The following OR5H14 variants were observed in gnomAD, a reference collection of about 807,000 sequenced individuals.
OR5H14 encodes olfactory receptor 5H14.
For missense variants in OR5H14, 392 were observed against 363.9 expected (o/e 1.08, Z -0.63); for synonymous variants, 155 against 130.6 (o/e 1.19, Z -1.28).
In OR5H14 at chr3:98,152,748, A is replaced by T. The variant is rs935212447; in HGVS notation, c.*2430A>T. 1 of 152,118 alleles carries T rather than the reference A, an allele frequency of 6.6e-6. No individual in the cohort carries two copies. The highest frequency in any genetic ancestry group is 1.5e-5 in the Non-Finnish European group (1 of 68,010). 9.4% of individuals were successfully genotyped at this position (152,118 alleles called of 1,614,324 possible). The stretch of plus-strand genomic sequence containing the variant: ...GGGTTGATGGGTGTAGCAAAACGCC[A>T]TGGCACATGTGTACCTATGTAACAA... On this transcript the variant is annotated 3_prime_UTR_variant, in exon 2 of 2. Transcript: ENST00000641380.
In OR5H14 at chr3:98,153,434, T is replaced by A. The variant is rs1164738745; in HGVS notation, c.*3116T>A. On this transcript the variant is annotated 3_prime_UTR_variant, in exon 2 of 2. Transcript: ENST00000641380. Reference sequence around the variant, plus strand: ...CCATCTTTATGAAAAATGCAAAAAATTAGCCGGGCGTGGTGGCAGGTGCCT... The same window carrying A: ...CCATCTTTATGAAAAATGCAAAAAAATAGCCGGGCGTGGTGGCAGGTGCCT... 2 of 151,818 alleles carry A rather than the reference T, an allele frequency of 1.3e-5. No individual in the cohort carries two copies. The highest frequency in any genetic ancestry group is 2.9e-5 in the Non-Finnish European group (2 of 67,956). 9.4% of individuals were successfully genotyped at this position (151,818 alleles called of 1,614,324 possible).
rs1316295814 is a variant in OR5H14, at chr3:98,156,365, A to G, written c.*6047A>G. On this transcript the variant is annotated 3_prime_UTR_variant, in exon 2 of 2. Transcript: ENST00000641380. ...ATAATGTTTGTATTTGGATCACAGC[A>G]TGCTAAGATTGCTGGGAACAAATGG... is the stretch of plus-strand genomic sequence containing the variant. 1.3e-5 allele frequency: 2 copies of G among 152,194 alleles called. No homozygotes were observed. Among genetic ancestry groups the G allele is most frequent in the Non-Finnish European group, 2.9e-5 (2 of 68,008 alleles). The allele number at this position is 152,194 out of a possible 1,614,324, so 9.4% of individuals were successfully genotyped here. A position where few individuals can be genotyped will look rare whatever the true frequency, so the allele number is the denominator to read the frequency against.
In OR5H14 at chr3:98,153,128, A is replaced by G. The variant is rs1308350691; in HGVS notation, c.*2810A>G. ...TTAATCATATAGAGAAAATCTGGCA[A>G]CCGTCATGGCTATGAACTTGCATTT... On this transcript the variant is annotated 3_prime_UTR_variant, in exon 2 of 2. Transcript: ENST00000641380. 1 of 152,120 alleles carries G rather than the reference A, an allele frequency of 6.6e-6. No homozygotes were observed. The highest frequency in any genetic ancestry group is 1.5e-5 in the Non-Finnish European group (1 of 68,014). The allele number at this position is 152,120 out of a possible 1,614,324, so 9.4% of individuals were successfully genotyped here. A position where few individuals can be genotyped will look rare whatever the true frequency, so the allele number is the denominator to read the frequency against.
rs4381986 is a variant in OR5H14, at chr3:98,153,222, A to G, written c.*2904A>G. ...TGACCCCTTGAGGAAAATACCAAGG[A>G]ACTGGGGAGTACTCCATAGTCAAAG... On this transcript the variant is annotated 3_prime_UTR_variant, in exon 2 of 2. Transcript: ENST00000641380. 0.61 allele frequency: 93,133 copies of G among 152,096 alleles called. 29,534 individuals are homozygous for G. The highest frequency in any genetic ancestry group is 0.79 in the African/African-American group (32,773 of 41,476). The allele number at this position is 152,096 out of a possible 1,614,324, so 9.4% of individuals were successfully genotyped here.
At chr3:98,147,983 C>T (rs1708444770) in intron 1 of OR5H14, 1 of 151,972 alleles carries the variant, frequency 6.6e-6, no homozygotes, top group Admixed American at 6.6e-5. Flanking sequence ...CTTACACCCA[C>T]ATTTGACAAT....
At position 98,152,802 on chromosome 3, in the gene OR5H14, A is replaced by G. The variant is rs1708525971; in HGVS notation, c.*2484A>G. 1 of 152,218 alleles carries G rather than the reference A, an allele frequency of 6.6e-6. No homozygotes were observed. The highest frequency in any genetic ancestry group is 1.5e-5 in the Non-Finnish European group (1 of 68,026). The allele number at this position is 152,218 out of a possible 1,614,324, so 9.4% of individuals were successfully genotyped here. ...GCACATGTATCCCAGAACTTAAAGT[A>G]TAAAGAAGAAAAAAGTTAACATTTT... On this transcript the variant is annotated 3_prime_UTR_variant, in exon 2 of 2. Transcript: ENST00000641380.
chr3:98,155,119 C>T lies in OR5H14; in HGVS notation c.*4801C>T, dbSNP rs6795509. ...ACTCCTCTAGTTTTGTGACCACCCC[C>T]CTGCTGCAGGATCCACAAGAAGACA... On this transcript the variant is annotated 3_prime_UTR_variant, in exon 2 of 2. Coordinates refer to ENST00000641380, the MANE Select transcript of OR5H14 (RefSeq NM_001005514.2). 3 of 152,002 alleles carry T rather than the reference C, an allele frequency of 2.0e-5. No homozygotes were observed. The highest frequency in any genetic ancestry group is 7.2e-5 in the African/African-American group (3 of 41,410). The allele number at this position is 152,002 out of a possible 1,614,324, so 9.4% of individuals were successfully genotyped here.
chr3:98,147,792 T>C (rs1450035992), intron 1 of OR5H14, among the ~76,000 whole-genome samples: 1 of 152,072 alleles, frequency 6.6e-6, no homozygotes, highest in East Asian at 1.9e-4. Flanking sequence ...GTTAATCTTG[T>C]TATAATAACT....
chr3:98,152,752 C>G lies in OR5H14; in HGVS notation c.*2434C>G, dbSNP rs760683258. 1 of 152,134 alleles carries G rather than the reference C, an allele frequency of 6.6e-6. No individual in the cohort carries two copies. Among genetic ancestry groups the G allele is most frequent in the South Asian group, 2.1e-4 (1 of 4,812 alleles). The allele number at this position is 152,134 out of a possible 1,614,324, so 9.4% of individuals were successfully genotyped here. A position where few individuals can be genotyped will look rare whatever the true frequency, so the allele number is the denominator to read the frequency against. On this transcript the variant is annotated 3_prime_UTR_variant, in exon 2 of 2. Coordinates refer to ENST00000641380, the MANE Select transcript of OR5H14 (RefSeq NM_001005514.2). ...TGATGGGTGTAGCAAAACGCCATGG[C>G]ACATGTGTACCTATGTAACAACCTG...
At chr3:98,148,136 T>A (rs1207703968) in intron 1 of OR5H14, 4 of 151,906 alleles carry the variant, frequency 2.6e-5, no homozygotes, top group Admixed American at 2.0e-4. Flanking sequence ...GTGTGTTTCA[T>A]TTGCCATCCT....
Position 98,156,168 on chromosome 3 carries a change from G to C in OR5H14, c.*5850G>C, listed in dbSNP as rs1708587462. The C allele has an allele frequency of 6.6e-6, 1 of 152,060 alleles. No individual in the cohort carries two copies. The highest frequency in any genetic ancestry group is 1.5e-5 in the Non-Finnish European group (1 of 68,006). 9.4% of individuals were successfully genotyped at this position (152,060 alleles called of 1,614,324 possible). ...CCTCCAAAATGCATCAGTACACAAA[G>C]AATTGCTGCCTGTGTTATTATCAGA... On this transcript the variant is annotated 3_prime_UTR_variant, in exon 2 of 2. Coordinates refer to ENST00000641380, the MANE Select transcript of OR5H14 (RefSeq NM_001005514.2).
In OR5H14 at chr3:98,156,440, T is replaced by C. The variant is rs1472046306; in HGVS notation, c.*6122T>C. ...GTATCTCATTATTATGGTTAAAATC[T>C]TGACAAGCAAAATACCTATAAAATA... On this transcript the variant is annotated 3_prime_UTR_variant, in exon 2 of 2. Coordinates refer to ENST00000641380, the MANE Select transcript of OR5H14 (RefSeq NM_001005514.2). 1 of 152,158 alleles carries C rather than the reference T, an allele frequency of 6.6e-6. No individual in the cohort carries two copies. The highest frequency in any genetic ancestry group is 1.5e-5 in the Non-Finnish European group (1 of 68,000). The allele number at this position is 152,158 out of a possible 1,614,324, so 9.4% of individuals were successfully genotyped here.
rs1708572871 is a variant in OR5H14 at position 98,155,329 on chromosome 3, A to G, written c.*5011A>G. On this transcript the variant is annotated 3_prime_UTR_variant, in exon 2 of 2. Transcript: ENST00000641380. ...CTATATGGATTAAACTCTCTATTGTAATTCCTCTGTCTTGGTAATGGGCTC... is the reference window on the plus strand; with the variant it reads ...CTATATGGATTAAACTCTCTATTGTGATTCCTCTGTCTTGGTAATGGGCTC... 6.6e-6 allele frequency: 1 copy of G among 152,204 alleles called. No homozygotes were observed. Among genetic ancestry groups the G allele is most frequent in the Admixed American group, 6.6e-5 (1 of 15,252 alleles). 9.4% of individuals were successfully genotyped at this position (152,204 alleles called of 1,614,324 possible). A position where few individuals can be genotyped will look rare whatever the true frequency, so the allele number is the denominator to read the frequency against.
rs1163500319 is a variant in OR5H14 at position 98,152,993 on chromosome 3, C to T, written c.*2675C>T. 1 of 152,122 alleles carries T rather than the reference C, an allele frequency of 6.6e-6. No homozygotes were observed. The highest frequency in any genetic ancestry group is 6.5e-5 in the Admixed American group (1 of 15,268). 9.4% of individuals were successfully genotyped at this position (152,122 alleles called of 1,614,324 possible). A position where few individuals can be genotyped will look rare whatever the true frequency, so the allele number is the denominator to read the frequency against. ...CTGACCAACACTCAGGCACATGGAG[C>T]ACTTTCTCACCACCAGAGCTTGTCT... On this transcript the variant is annotated 3_prime_UTR_variant, in exon 2 of 2. Coordinates refer to ENST00000641380, the MANE Select transcript of OR5H14 (RefSeq NM_001005514.2).
At position 98,155,309 on chromosome 3, in the gene OR5H14, T is replaced by C. The variant is rs796882448; in HGVS notation, c.*4991T>C. The C allele has an allele frequency of 1.3e-5, 2 of 150,978 alleles. No individual in the cohort carries two copies. The highest frequency in any genetic ancestry group is 6.6e-5 in the Admixed American group (1 of 15,116). The allele number at this position is 150,978 out of a possible 1,614,324, so 9.4% of individuals were successfully genotyped here. A position where few individuals can be genotyped will look rare whatever the true frequency, so the allele number is the denominator to read the frequency against. On this transcript the variant is annotated 3_prime_UTR_variant, in exon 2 of 2. Coordinates refer to ENST00000641380, the MANE Select transcript of OR5H14 (RefSeq NM_001005514.2). Reference sequence around the variant, plus strand: ...AATCTCCCATTTAGCCAATTCTATATGGATTAAACTCTCTATTGTAATTCC... The same window carrying C: ...AATCTCCCATTTAGCCAATTCTATACGGATTAAACTCTCTATTGTAATTCC...
At chr3:98,148,052 G>A (rs1396094317) in intron 1 of OR5H14, 1 of 151,826 alleles carries the variant, frequency 6.6e-6, no homozygotes, top group Non-Finnish European at 1.5e-5. Context: ...TTTAAGTAGG[G>A]TCCTGGTAAT....
At position 98,153,886 on chromosome 3, in the gene OR5H14, T is replaced by C. The variant is rs1423788639; in HGVS notation, c.*3568T>C. ...AGGGCTTCAGGAAAAGGGCAATGTATAGGTAGATAAGAAAACTCAAAGATA... is the reference window on the plus strand; with the variant it reads ...AGGGCTTCAGGAAAAGGGCAATGTACAGGTAGATAAGAAAACTCAAAGATA... On this transcript the variant is annotated 3_prime_UTR_variant, in exon 2 of 2. Transcript: ENST00000641380. The C allele has an allele frequency of 1.3e-5, 2 of 152,194 alleles. No homozygotes were observed. The highest frequency in any genetic ancestry group is 1.9e-4 in the East Asian group (1 of 5,190). 9.4% of individuals were successfully genotyped at this position (152,194 alleles called of 1,614,324 possible). A position where few individuals can be genotyped will look rare whatever the true frequency, so the allele number is the denominator to read the frequency against.
intron 1 of OR5H14, 104 bp downstream of exon 1, chr3:98,147,658 T>A (rs1708440018): frequency 1.3e-5 from 2 of 152,092 alleles, no homozygotes; most frequent in Admixed American, 6.6e-5. Context: ...GCTGTCAAAA[T>A]AGCCAGAAGA....
At position 98,149,766 on chromosome 3, in the gene OR5H14, C is replaced by A. The variant is rs1433341891; in HGVS notation, c.381C>A (p.Cys127Ter). ...TMAYDRYVAI[C>*]KPLLYPAIMT... ...CATATGATCGCTATGTAGCCATATG[C>A]AAACCCTTACTTTATCCAGCCATTA... The change falls in exon 2 of 2, where the codon TGC (cysteine) becomes TGA (stop). Residue 127 changes from cysteine (C) to a stop codon, truncating the protein, a stop_gained. Transcript: ENST00000641380. LOFTEE classifies it low-confidence loss of function (END_TRUNC). The A allele has an allele frequency of 6.2e-7, 1 of 1,612,790 alleles. No homozygotes were observed.
Sources: gnomAD v4.1 joint callset for allele counts (sites outside exome capture counted in the v4.1 genomes callset) on GRCh38, gnomAD v4.1.1 for gene constraint, MANE v1.5 for transcripts, NCBI Gene and HGNC (gene_info 2026-07-23, HGNC 2026-07-21) for gene names.